Variants in DPP6 observed in about 807,000 individuals in gnomAD.
DPP6 encodes A-type potassium channel modulatory protein DPP6.
DPP6 carries 69 observed loss-of-function variants against 122.6 expected under a neutral mutation model. That is an observed-to-expected ratio of 0.56 (90% CI 0.46 to 0.69). The LOEUF (loss-of-function observed/expected upper bound fraction) is 0.69. Ranked by LOEUF, DPP6 falls within the 30% of genes least tolerant of loss-of-function variation. The pLI is 0.00. For missense variants in DPP6, 928 were observed against 1,116.9 expected (o/e 0.83, Z 2.41); for synonymous variants, 418 against 433.1 (o/e 0.97, Z 0.43).
intron 1 of DPP6, among the ~76,000 whole-genome samples, chr7:154,236,608 G>T (rs1801229903): frequency 6.6e-6 from 1 of 152,120 alleles, no homozygotes; most frequent in South Asian, 2.1e-4. Flanking sequence ...ACCATGACCT[G>T]TGCATGGGTG....
At chr7:154,353,069 A>G (rs1284744652) in intron 1 of DPP6, among the ~76,000 whole-genome samples, 2 of 152,224 alleles carry the variant, frequency 1.3e-5, no homozygotes, top group Non-Finnish European at 1.5e-5. Context: ...GGCCAGCAGC[A>G]TCAGTGCTAC....
the DPP6 span, among the ~76,000 whole-genome samples, chr7:153,870,551 T>A: frequency 6.6e-6 from 1 of 152,196 alleles, no homozygotes; most frequent in South Asian, 2.1e-4. Context: ...TAGCCATTCA[T>A]CTAATTTTTC....
intron 1 of DPP6, among the ~76,000 whole-genome samples, chr7:154,442,545 G>T (rs554312519): frequency 1.3e-5 from 2 of 152,118 alleles, no homozygotes; most frequent in Admixed American, 6.5e-5. Flanking sequence ...TGAGGAAAGG[G>T]GACATGGAAG....
intron 1 of DPP6, among the ~76,000 whole-genome samples, chr7:154,415,961 C>A (rs1192007271): frequency 6.6e-6 from 1 of 151,990 alleles, no homozygotes; most frequent in South Asian, 2.1e-4. Flanking sequence ...TCTGGGAGAA[C>A]CATGCCAGAG....
Position 154,446,211 on chromosome 7 carries a change from T to C in DPP6, c.244-3T>C. On this transcript the variant is annotated splice_region_variant and splice_polypyrimidine_tract_variant and intron_variant, in intron 1 of 25. Coordinates refer to ENST00000377770, the MANE Select transcript of DPP6 (RefSeq NM_130797.4). ...GGGTTTTCTTTGTTGTTGCTGTTTT[T>C]AGGAGCTGGTGGGGAGTAACCCTCC... 1.3e-6 allele frequency: 2 copies of C among 1,585,982 alleles called. No homozygotes were observed. The highest frequency in any genetic ancestry group is 1.7e-6 in the Non-Finnish European group (2 of 1,165,734).
intron 1 of DPP6, among the ~76,000 whole-genome samples, chr7:154,121,370 C>T (rs986560232): frequency 2.0e-5 from 3 of 152,056 alleles, no homozygotes; most frequent in African/African-American, 7.2e-5. Flanking sequence ...GTTGTGGATT[C>T]GAGATCTTTC....
chr7:154,871,818 T>A (rs1344872962), intron 18 of DPP6, among the ~76,000 whole-genome samples: 1 of 152,256 alleles, frequency 6.6e-6, no homozygotes, highest in African/African-American at 2.4e-5. Flanking sequence ...ATTTAATTGC[T>A]GTGCCTTTGG....
At chr7:154,388,175 C>A (rs993226762) in intron 1 of DPP6, among the ~76,000 whole-genome samples, 11 of 152,192 alleles carry the variant, frequency 7.2e-5, no homozygotes, top group African/African-American at 2.6e-4. Context: ...TGGTGGTGCA[C>A]ACCTGTAGTC....
intron 8 of DPP6, among the ~76,000 whole-genome samples, chr7:154,751,609 CAAAA>C (rs11339562): frequency 4.6e-5 from 4 of 87,370 alleles, no homozygotes. Flanking sequence ...GACTCTGTCT[CAAAA>C]AAAAAAAAAA....
chr7:154,390,861 A>C (rs886246989), intron 1 of DPP6, among the ~76,000 whole-genome samples: 2 of 152,094 alleles, frequency 1.3e-5, no homozygotes, highest in Admixed American at 1.3e-4. Flanking sequence ...GCCCGTTGCC[A>C]TGCCATTTGT....
chr7:154,241,185 A>ATGCGTGTGTGTGTG lies in DPP6; in HGVS notation c.243+188124_243+188125insCGTGTGTGTGTGTG, dbSNP rs34454400. ...GCACAGTAGGTAATTCAATATCAAT[A>ATGCGTGTGTGTGTG]TGTGTGTGTGTGTGTGTGTGTGTGT... On this transcript the variant is annotated intron_variant, in intron 1 of 25. Transcript: ENST00000377770. The surrounding 1 kb of genome is among the most constrained non-coding windows in gnomAD (Gnocchi z 9.0). 0.067 allele frequency among the ~76,000 whole-genome samples: 9,144 copies of ATGCGTGTGTGTGTG among 136,040 alleles called. 443 individuals carry two copies. Among genetic ancestry groups the ATGCGTGTGTGTGTG allele is most frequent in the Admixed American group, 0.097 (1,296 of 13,336 alleles). 89.2% of individuals were successfully genotyped at this position (136,040 alleles called of 152,430 possible).
intron 5 of DPP6, among the ~76,000 whole-genome samples, chr7:154,615,494 A>G (rs1190504431): frequency 6.6e-6 from 1 of 152,220 alleles, no homozygotes; most frequent in Non-Finnish European, 1.5e-5. Context: ...GTTTTTGTGG[A>G]AAAAAATGTA....
intron 16 of DPP6, among the ~76,000 whole-genome samples, chr7:154,823,675 A>T (rs541119226): frequency 1.3e-5 from 2 of 152,360 alleles, no homozygotes; most frequent in South Asian, 4.1e-4. Context: ...GGAGTTCTCC[A>T]GGCAGAAACT....
chr7:153,774,113 T>G, the DPP6 span, among the ~76,000 whole-genome samples: 4 of 152,210 alleles, frequency 2.6e-5, no homozygotes, highest in Non-Finnish European at 5.9e-5. Flanking sequence ...TTATGTTGAC[T>G]GAAATTAAGG....
chr7:154,130,256 T>C (rs1006496686), intron 1 of DPP6, among the ~76,000 whole-genome samples: 14 of 152,088 alleles, frequency 9.2e-5, no homozygotes, highest in Non-Finnish European at 1.9e-4. Flanking sequence ...AACTTTCAGC[T>C]TCCTCAAGGT....
At chr7:154,459,805 CAAAA>C (rs775605275) in intron 2 of DPP6, among the ~76,000 whole-genome samples, 2 of 63,080 alleles carry the variant, frequency 3.2e-5, no homozygotes, top group Admixed American at 1.7e-4. Flanking sequence ...GATTCCATCT[CAAAA>C]AAAAAAAAAA....
intron 1 of DPP6, among the ~76,000 whole-genome samples, chr7:154,444,680 A>G (rs1481959208): frequency 6.6e-6 from 1 of 152,228 alleles, no homozygotes; most frequent in African/African-American, 2.4e-5. Context: ...GTACCACTGA[A>G]AGATTCCTGC....
intron 1 of DPP6, among the ~76,000 whole-genome samples, chr7:154,398,893 GA>G (rs1279078399): frequency 2.0e-5 from 3 of 152,290 alleles, no homozygotes; most frequent in South Asian, 2.1e-4. Flanking sequence ...TGATTGCTTA[GA>G]AAAACAAATT....
intron 5 of DPP6, among the ~76,000 whole-genome samples, chr7:154,612,449 C>T (rs6954883): frequency 0.4 from 61,498 of 152,080 alleles, 13,451 homozygotes; most frequent in East Asian, 0.65. Context: ...TTTAGCATAA[C>T]TCCTGAGATC....
Sources: gnomAD v4.1 joint callset for allele counts (sites outside exome capture counted in the v4.1 genomes callset) on GRCh38, gnomAD v4.1.1 for gene constraint, Gnocchi (gnomAD v3.1) non-coding constraint, MANE v1.5 for transcripts, NCBI Gene and HGNC (gene_info 2026-07-23, HGNC 2026-07-21) for gene names.